The following TSBP1 variants were observed in gnomAD, a reference collection of about 807,000 sequenced individuals.
The protein encoded by TSBP1 is testis-expressed basic protein 1.
In TSBP1, 56 loss-of-function variants were observed where a neutral mutation model predicts 68.8. The ratio of observed to expected loss-of-function variants is 0.81; its 90% confidence interval spans 0.66 to 1.02. The LOEUF is 1.02. Among genes scored for constraint, TSBP1 ranks in the 50% least tolerant of loss-of-function variants. The pLI is 0.00. For missense variants in TSBP1, 502 were observed against 641.2 expected, an observed-to-expected ratio of 0.78 and a Z score of 2.34; for synonymous variants, 171 against 208.7, an observed-to-expected ratio of 0.82 and a Z score of 1.56.
At chr6:32,371,469 GA>G (rs1774417291) in intron 1 of TSBP1, among the ~76,000 whole-genome samples, 1 of 152,168 alleles carries the variant, frequency 6.6e-6, no homozygotes, top group Non-Finnish European at 1.5e-5. Flanking sequence ...TTAAACTCTA[GA>G]AACCAAAGGA....
chr6:32,323,008 C>A, intron 18 of TSBP1, 109 bp downstream of exon 19: 1 of 773,458 alleles, frequency 1.3e-6, no homozygotes, highest in Non-Finnish European at 2.1e-6. Context: ...ATAGGGCAAG[C>A]AGGGTAATAA....
At position 32,337,376 on chromosome 6, in the gene TSBP1, C is replaced by T. The variant is rs1219397506; in HGVS notation, c.410-741G>A. Among the ~76,000 whole-genome samples the T allele has an allele frequency of 6.6e-6, 1 of 152,120 alleles. No individual in the cohort carries two copies. Among genetic ancestry groups the T allele is most frequent in the Non-Finnish European group, 1.5e-5 (1 of 68,020 alleles). ...TCCTTCCCCTTTCCCCACGGGTGTC[C>T]TGCTTGTATCTCAGGAGATTACACA... On this transcript the variant is annotated intron_variant, in intron 11 of 22. Coordinates refer to ENST00000612031, the Ensembl canonical transcript of TSBP1. The surrounding 1 kb of genome is among the most constrained non-coding windows in gnomAD (Gnocchi z 5.5).
rs35489730 is a variant in TSBP1, at chr6:32,336,043, CG to C, written c.431-112del. 1.1e-6 allele frequency: 1 copy of C among 936,470 alleles called. No individual in the cohort carries two copies. 58.0% of individuals were successfully genotyped at this position (936,470 alleles called of 1,614,324 possible). On this transcript the variant is annotated intron_variant, in intron 12 of 22. Transcript: ENST00000612031. The surrounding 1 kb of genome is among the most constrained non-coding windows in gnomAD (Gnocchi z 5.2). ...TAGGGAGTATCATAAATAGAAACAA[CG>C]GGAAGATCAAGAGTTGCTTGTATGG...
intron 14 of TSBP1, among the ~76,000 whole-genome samples, chr6:32,332,966 C>T (rs1342209866): frequency 1.3e-5 from 2 of 151,686 alleles, no homozygotes; most frequent in Non-Finnish European, 1.5e-5. Context: ...TAGCTCTGAT[C>T]GCCTGGTGAC....
chr6:32,349,108 T>C (rs1319878696), intron 9 of TSBP1, among the ~76,000 whole-genome samples: 2 of 151,990 alleles, frequency 1.3e-5, no homozygotes, highest in East Asian at 3.9e-4. Flanking sequence ...AATTTGGAAA[T>C]ATGAAATTTC....
chr6:32,363,668 TCA>T (rs1391929273), intron 6 of TSBP1, among the ~76,000 whole-genome samples: 8 of 130,414 alleles, frequency 6.1e-5, no homozygotes, highest in Non-Finnish European at 1.4e-4. Context: ...TTTTACATTC[TCA>T]GTGTCAAAAT....
chr6:32,299,024 G>C (rs114910505), intron 22 of TSBP1, among the ~76,000 whole-genome samples: 2 of 152,080 alleles, frequency 1.3e-5, no homozygotes, highest in Non-Finnish European at 2.9e-5. Flanking sequence ...ATTTGTATTT[G>C]CAAACATTCC....
chr6:32,312,843 A>C (rs9268209), intron 19 of TSBP1, among the ~76,000 whole-genome samples: 22,925 of 137,158 alleles, frequency 0.17, 2,186 homozygotes, highest in Non-Finnish European at 0.18. Context: ...CACTCTTCTC[A>C]TTGCCACACT....
At chr6:32,324,486 A>T in intron 16 of TSBP1, 1 of 877,026 alleles carries the variant, frequency 1.1e-6, no homozygotes, top group Non-Finnish European at 1.8e-6. Context: ...TGATAGTCTT[A>T]AAACTTTCCA....
exon 1 of TSBP1, chr6:32,371,745 G>T: frequency 2.5e-6 from 4 of 1,613,426 alleles, no homozygotes; most frequent in Non-Finnish European, 2.5e-6. Flanking sequence ...GCATCATCTG[G>T]ATTTCTTTGT....
intron 19 of TSBP1, among the ~76,000 whole-genome samples, chr6:32,305,728 T>TC (rs1192375859): frequency 2.0e-5 from 3 of 152,208 alleles, no homozygotes; most frequent in Non-Finnish European, 4.4e-5. Flanking sequence ...ACTCCTGACC[T>TC]CAGGCAATCC....
chr6:32,333,224 C>G lies in TSBP1; in HGVS notation c.473-1170G>C, dbSNP rs1418201731. Among the ~76,000 whole-genome samples, 1 of 151,656 alleles carries G rather than the reference C, an allele frequency of 6.6e-6. No individual in the cohort carries two copies. The highest frequency in any genetic ancestry group is 2.4e-5 in the African/African-American group (1 of 41,244). On this transcript the variant is annotated intron_variant, in intron 14 of 22. Coordinates refer to ENST00000612031, the Ensembl canonical transcript of TSBP1. The surrounding 1 kb of genome is among the most constrained non-coding windows in gnomAD (Gnocchi z 4.2). ...ATGGGGTTTCACCATATTGGCCAGG[C>G]TGGTCTCAAACTTCTGACCTTGTGA...
In TSBP1 at chr6:32,365,080, C is replaced by T. The variant is rs1056495355; in HGVS notation, c.217+1087G>A. Among the ~76,000 whole-genome samples the T allele has an allele frequency of 1.4e-5, 2 of 144,030 alleles. No individual in the cohort carries two copies. The highest frequency in any genetic ancestry group is 2.7e-5 in the African/African-American group (1 of 37,594). The allele number at this position is 144,030 out of a possible 152,430, so 94.5% of individuals were successfully genotyped here. A position where few individuals can be genotyped will look rare whatever the true frequency, so the allele number is the denominator to read the frequency against. The stretch of plus-strand genomic sequence containing the variant: ...AACTGATTTTTTTTTTTTTTAGAGA[C>T]GGAGTCTCACTATGTTGCCCAGGCC... On this transcript the variant is annotated intron_variant, in intron 6 of 22. Transcript: ENST00000612031. This position sits in a 1 kb window ranked among gnomAD's most constrained non-coding sequence, Gnocchi z 4.3.
chr6:32,368,035 G>T, intron 3 of TSBP1, 78 bp from the exon 4 acceptor site: 1 of 1,157,876 alleles, frequency 8.6e-7, no homozygotes, highest in Non-Finnish European at 1.3e-6. Context: ...GAGAACTAAT[G>T]TAAACATGAA....
Position 32,357,577 on chromosome 6 carries a change from A to G in TSBP1, c.218-1908T>C, listed in dbSNP as rs945107955. On this transcript the variant is annotated intron_variant, in intron 6 of 22. Coordinates refer to ENST00000612031, the Ensembl canonical transcript of TSBP1. The surrounding 1 kb of genome is among the most constrained non-coding windows in gnomAD (Gnocchi z 4.7). ...TGTGGTGAGGTGAATAGACTATAAG[A>G]AGGCAAGAGGAGTATCAAGGAAACA... Among the ~76,000 whole-genome samples the G allele has an allele frequency of 1.3e-5, 2 of 152,170 alleles. No homozygotes were observed. Among genetic ancestry groups the G allele is most frequent in the African/African-American group, 4.8e-5 (2 of 41,444 alleles).
intron 1 of TSBP1, among the ~76,000 whole-genome samples, chr6:32,371,014 A>T (rs960999614): frequency 3.3e-5 from 5 of 152,218 alleles, no homozygotes; most frequent in African/African-American, 1.2e-4. Context: ...ATCTCAAGAT[A>T]TAATAACACA....
intron 19 of TSBP1, among the ~76,000 whole-genome samples, chr6:32,310,415 T>C (rs888836900): frequency 2.1e-4 from 32 of 152,142 alleles, no homozygotes; most frequent in Admixed American, 7.2e-4. Flanking sequence ...TAATTCTCTC[T>C]TATCAAATTC....
At chr6:32,329,198 T>C (rs1488279135) in intron 16 of TSBP1, among the ~76,000 whole-genome samples, 3 of 151,956 alleles carry the variant, frequency 2.0e-5, no homozygotes, top group Non-Finnish European at 4.4e-5. Context: ...TACACTATCA[T>C]ATTTTTAAAT....
rs1270411430 is a variant in TSBP1 at position 32,322,594 on chromosome 6, AGGGGAG to A, written c.559+517_559+522del. 18 of 984,858 alleles carry A rather than the reference AGGGGAG, an allele frequency of 1.8e-5. No homozygotes were observed. The East Asian group carries it at 4.3e-4, about 24-fold the overall frequency. The allele number at this position is 984,858 out of a possible 1,614,324, so 61.0% of individuals were successfully genotyped here. ...CTAATATATTTTGCTGGAGTCTGTG[AGGGGAG>A]GACTTGGGTGGGCAGTGAAGGAGGT... is the stretch of plus-strand genomic sequence containing the variant. On this transcript the variant is annotated intron_variant, in intron 18 of 22. Coordinates refer to ENST00000612031, the Ensembl canonical transcript of TSBP1.
Sources: gnomAD v4.1 joint callset for allele counts (sites outside exome capture counted in the v4.1 genomes callset) on GRCh38, gnomAD v4.1.1 for gene constraint, Gnocchi (gnomAD v3.1) non-coding constraint, MANE v1.5 for transcripts, NCBI Gene and HGNC (gene_info 2026-07-23, HGNC 2026-07-21) for gene names.